The following CTNNA3 variants were observed in gnomAD, a reference collection of about 807,000 sequenced individuals.
The protein encoded by CTNNA3 is catenin alpha-3.
A neutral mutation model predicts 95.7 loss-of-function variants in CTNNA3; 76 were observed. The observed-to-expected ratio is 0.79, with a 90% CI of 0.66 to 0.96. The LOEUF (loss-of-function observed/expected upper bound fraction) is 0.96. Ranked by LOEUF, CTNNA3 falls within the 40% of genes least tolerant of loss-of-function variation. The pLI is 0.00. For missense variants in CTNNA3, 1,191 were observed against 1,089.8 expected (o/e 1.09, Z -1.31); for synonymous variants, 431 against 374.4 (o/e 1.15, Z -1.74).
intron 5 of CTNNA3, among the ~76,000 whole-genome samples, chr10:67,503,854 G>T (rs975438982): frequency 6.6e-6 from 1 of 152,146 alleles, no homozygotes; most frequent in South Asian, 2.1e-4. Context: ...TTCCAAAACC[G>T]CTTAAAAACA....
At chr10:67,260,423 T>C (rs1866551212) in intron 5 of CTNNA3, among the ~76,000 whole-genome samples, 1 of 152,180 alleles carries the variant, frequency 6.6e-6, no homozygotes, top group African/African-American at 2.4e-5. Flanking sequence ...TATAAAATAG[T>C]TTCTCCACAA....
At chr10:66,343,441 TTAG>T (rs1428974247) in intron 12 of CTNNA3, among the ~76,000 whole-genome samples, 4 of 151,874 alleles carry the variant, frequency 2.6e-5, no homozygotes, top group African/African-American at 9.7e-5. Flanking sequence ...AATTGGAGGA[TTAG>T]GACATTATGT....
At chr10:67,534,516 A>G (rs1392948691) in intron 4 of CTNNA3, among the ~76,000 whole-genome samples, 1 of 152,188 alleles carries the variant, frequency 6.6e-6, no homozygotes, top group Non-Finnish European at 1.5e-5. Flanking sequence ...AGTTGCTATC[A>G]ATGAGATTTT....
chr10:66,738,241 T>A (rs1377979923), intron 9 of CTNNA3, among the ~76,000 whole-genome samples: 1 of 152,228 alleles, frequency 6.6e-6, no homozygotes, highest in Non-Finnish European at 1.5e-5. Context: ...CTTTCCTTGA[T>A]ATCTATTATG....
chr10:66,097,892 T>G (rs1448708926), intron 14 of CTNNA3: 2 of 152,124 alleles, frequency 1.3e-5, no homozygotes, highest in Non-Finnish European at 2.9e-5. Flanking sequence ...GATGAGACAA[T>G]GACTAAGGAG....
chr10:66,416,133 G>A (rs1165079761), intron 11 of CTNNA3, among the ~76,000 whole-genome samples: 2 of 152,016 alleles, frequency 1.3e-5, no homozygotes, highest in East Asian at 3.9e-4. Context: ...GTATCAAACA[G>A]AAATCCTATA....
chr10:67,470,714 C>T (rs976578297), intron 5 of CTNNA3, among the ~76,000 whole-genome samples: 4 of 152,058 alleles, frequency 2.6e-5, no homozygotes, highest in Admixed American at 6.6e-5. Flanking sequence ...TACTTTAACA[C>T]AGAATTCCTC....
In CTNNA3 at chr10:66,114,749, C is replaced by T. The variant is rs147403801; in HGVS notation, c.1885-11500G>A. 3.1e-3 allele frequency among the ~76,000 whole-genome samples: 471 copies of T among 151,484 alleles called. 3 individuals carry two copies. The highest frequency in any genetic ancestry group is 0.011 in the African/African-American group (442 of 41,286). On this transcript the variant is annotated intron_variant, in intron 13 of 17. Transcript: ENST00000433211. ...CAAAAATTAGTTGGGCGTGGTGGCA[C>T]GTGCCTGTAATCCCAGCTTCTCGGG...
intron 9 of CTNNA3, among the ~76,000 whole-genome samples, chr10:66,714,533 C>T (rs1382674326): frequency 2.0e-5 from 3 of 152,140 alleles, no homozygotes; most frequent in African/African-American, 7.2e-5. Flanking sequence ...TGCTTTGTTG[C>T]AGTAATCCCC....
At chr10:66,044,346 C>T (rs896727026) in intron 15 of CTNNA3, among the ~76,000 whole-genome samples, 1 of 151,984 alleles carries the variant, frequency 6.6e-6, no homozygotes, top group African/African-American at 2.4e-5. Context: ...TTATATTTAT[C>T]CAGAAAAATC....
intron 11 of CTNNA3, among the ~76,000 whole-genome samples, chr10:66,514,169 C>A (rs1208756542): frequency 6.6e-6 from 1 of 151,854 alleles, no homozygotes; most frequent in African/African-American, 2.4e-5. Context: ...AATCCTGGGG[C>A]CAAACACATT....
chr10:66,196,481 C>T (rs2086965538), intron 13 of CTNNA3, among the ~76,000 whole-genome samples: 1 of 152,180 alleles, frequency 6.6e-6, no homozygotes, highest in African/African-American at 2.4e-5. Context: ...CCAGAAACTC[C>T]ATGCCTCTGT....
chr10:66,740,149 T>C (rs1849280105), intron 9 of CTNNA3, among the ~76,000 whole-genome samples: 1 of 152,208 alleles, frequency 6.6e-6, no homozygotes, highest in Non-Finnish European at 1.5e-5. Context: ...AAGAAAATGG[T>C]ATTAATGTTT....
chr10:66,199,784 TATATATATATATATATATATA>T lies in CTNNA3; in HGVS notation c.1884+80665_1884+80685del, dbSNP rs1256922424. On this transcript the variant is annotated intron_variant, in intron 13 of 17. Coordinates refer to ENST00000433211, the MANE Select transcript of CTNNA3 (RefSeq NM_013266.4). ...GCCTGGCTATATATATATATATATA[TATATATATATATATATATATA>T]TTTTTTTTTTTTTTTTTTTTTTTTT... Among the ~76,000 whole-genome samples, 115 of 11,866 alleles carry T rather than the reference TATATATATATATATATATATA, an allele frequency of 9.7e-3. 4 individuals are homozygous for T. Among genetic ancestry groups the T allele is most frequent in the South Asian group, 0.038 (7 of 182 alleles). The allele number at this position is 11,866 out of a possible 152,430, so 7.8% of individuals were successfully genotyped here.
chr10:67,301,618 T>C (rs1840274973), intron 5 of CTNNA3, among the ~76,000 whole-genome samples: 1 of 146,432 alleles, frequency 6.8e-6, no homozygotes, highest in African/African-American at 2.7e-5. Flanking sequence ...CATCAACAGA[T>C]AAATGAAGAA....
rs147276139 is a variant in CTNNA3 at position 66,027,239 on chromosome 10, A to G, written c.2160-38442T>C. 3.5e-3 allele frequency among the ~76,000 whole-genome samples: 533 copies of G among 152,294 alleles called. 1 individual carries two copies. Among genetic ancestry groups the G allele is most frequent in the Non-Finnish European group, 5.2e-3 (356 of 68,000 alleles). ...TTGCAAATTGGAAGATAAAAATTAT[A>G]CTAAATATTATAATTAACACATAAG... is the stretch of plus-strand genomic sequence containing the variant. On this transcript the variant is annotated intron_variant, in intron 15 of 17. Transcript: ENST00000433211.
At chr10:66,546,906 G>A (rs1842050874) in intron 10 of CTNNA3, among the ~76,000 whole-genome samples, 1 of 152,082 alleles carries the variant, frequency 6.6e-6, no homozygotes, top group East Asian at 1.9e-4. Context: ...TTCCTTCCAT[G>A]TTACACTTTG....
chr10:67,425,599 A>G (rs1290404168), intron 5 of CTNNA3, among the ~76,000 whole-genome samples: 1 of 152,040 alleles, frequency 6.6e-6, no homozygotes, highest in Non-Finnish European at 1.5e-5. Context: ...GCTATCAAAT[A>G]TGGTGGCAAG....
intron 16 of CTNNA3, among the ~76,000 whole-genome samples, chr10:65,977,793 TAATAAATA>T (rs545915549): frequency 3.6e-4 from 55 of 151,462 alleles, no homozygotes; most frequent in African/African-American, 1.2e-3. Flanking sequence ...ATTAAAAAAA[TAATAAATA>T]AATAAATAAA....
Sources: gnomAD v4.1 joint callset for allele counts (sites outside exome capture counted in the v4.1 genomes callset) on GRCh38, gnomAD v4.1.1 for gene constraint, MANE v1.5 for transcripts, NCBI Gene and HGNC (gene_info 2026-07-23, HGNC 2026-07-21) for gene names.